TAX1BP1: variants seen among roughly 807,000 people sequenced by gnomAD.
The protein encoded by TAX1BP1 is Tax1 binding protein 1, also known as tax1-binding protein 1.
Under a neutral mutation model 97.7 loss-of-function variants are expected in TAX1BP1, and 62 were observed. The observed-to-expected ratio is 0.63, with a 90% CI of 0.52 to 0.78. TAX1BP1 has a LOEUF of 0.78. Ranked by LOEUF, TAX1BP1 falls within the 30% of genes least tolerant of loss-of-function variation. The pLI, the probability that TAX1BP1 is intolerant of heterozygous loss-of-function variation, is 0.00. For missense variants in TAX1BP1, 867 were observed against 916.1 expected (o/e 0.95, Z 0.69); for synonymous variants, 340 against 304.2 (o/e 1.12, Z -1.23).
chr7:27,804,555 A>T (rs897759017), intron 13 of TAX1BP1, among the ~76,000 whole-genome samples: 1 of 152,236 alleles, frequency 6.6e-6, no homozygotes, highest in Non-Finnish European at 1.5e-5. Flanking sequence ...CCCACTTTAG[A>T]TGCCAGTTAC....
chr7:27,780,291 A>G (rs557164271), intron 5 of TAX1BP1, among the ~76,000 whole-genome samples: 1 of 152,222 alleles, frequency 6.6e-6, no homozygotes, highest in East Asian at 1.9e-4. Context: ...TAAAATTTTC[A>G]GTTATTATTT....
intron 15 of TAX1BP1, among the ~76,000 whole-genome samples, chr7:27,818,348 TAGAA>T (rs1373346168): frequency 6.6e-6 from 1 of 152,152 alleles, no homozygotes; most frequent in Non-Finnish European, 1.5e-5. Context: ...TTTTTCACAT[TAGAA>T]AGTAATTCTT....
chr7:27,811,226 T>A (rs1213853316), intron 13 of TAX1BP1, among the ~76,000 whole-genome samples: 1 of 152,198 alleles, frequency 6.6e-6, no homozygotes, highest in East Asian at 1.9e-4. Flanking sequence ...AAATAATGAG[T>A]GGTTGAAAGG....
At chr7:27,774,377 G>C (rs560307798) in intron 5 of TAX1BP1, among the ~76,000 whole-genome samples, 1 of 151,970 alleles carries the variant, frequency 6.6e-6, no homozygotes, top group Admixed American at 6.6e-5. Context: ...TGGATAAGTC[G>C]TCTAGTTAAC....
In TAX1BP1 at chr7:27,798,811, A is replaced by T. The variant is rs148543297; in HGVS notation, c.1639-1154A>T. Among the ~76,000 whole-genome samples the T allele has an allele frequency of 1.3e-3, 189 of 150,824 alleles. 2 individuals carry two copies. Among genetic ancestry groups the T allele is most frequent in the African/African-American group, 4.3e-3 (178 of 41,134 alleles). On this transcript the variant is annotated intron_variant, in intron 12 of 16. Transcript: ENST00000396319. The stretch of plus-strand genomic sequence containing the variant: ...GACTTGATGTTGAGCATCTTTTCTT[A>T]TGCTTATTTGCTCTTTATCTCTTTG...
At chr7:27,744,263 C>CT (rs1391085120) in intron 1 of TAX1BP1, among the ~76,000 whole-genome samples, 6 of 152,134 alleles carry the variant, frequency 3.9e-5, no homozygotes, top group Non-Finnish European at 8.8e-5. Context: ...GTAGCTGGGA[C>CT]TACAGGCGCC....
rs869138210 is a variant in TAX1BP1 at position 27,800,256 on chromosome 7, CTT to C, written c.1764+168_1764+169del. On this transcript the variant is annotated intron_variant, in intron 13 of 16. Coordinates refer to ENST00000396319, the MANE Select transcript of TAX1BP1 (RefSeq NM_006024.7). The stretch of plus-strand genomic sequence containing the variant: ...TAGTTACATAAATACTGTTCATTAA[CTT>C]TGAATTGAGAAAATGGATACCATTT... Among the ~76,000 whole-genome samples the C allele has an allele frequency of 7.9e-5, 12 of 152,206 alleles. 1 individual carries two copies. The highest frequency in any genetic ancestry group is 2.9e-4 in the African/African-American group (12 of 41,520).
chr7:27,765,924 A>G lies in TAX1BP1; in HGVS notation c.356A>G (p.Gln119Arg). The part of the protein sequence containing the change: ...GEIRGASTPF[Q>R]FRASSPVEEL... ...ATTCGTGGAGCAAGTACACCTTTCC[A>G]GTTTCGAGCTTCTTCTCCAGTTGAA... The change falls in exon 4 of 17, where the codon CAG (glutamine) becomes CGG (arginine). Residue 119 changes from glutamine to arginine, a missense_variant. Physicochemically the swap from Gln to Arg is conservative, Grantham distance 43 (BLOSUM62 1). This residue lies in a region of TAX1BP1 where 822 missense variants were observed against 851.4 expected (regional missense o/e 0.97). Transcript: ENST00000396319. 6.2e-7 allele frequency: 1 copy of G among 1,614,152 alleles called. No individual in the cohort carries two copies. Among genetic ancestry groups the G allele is most frequent in the Non-Finnish European group, 8.5e-7 (1 of 1,180,014 alleles).
intron 2 of TAX1BP1, among the ~76,000 whole-genome samples, chr7:27,752,390 TTAC>T (rs1313043812): frequency 1.3e-5 from 2 of 152,130 alleles, no homozygotes; most frequent in African/African-American, 4.8e-5. Flanking sequence ...AACCAGAAGA[TTAC>T]TAAGCAGCAA....
rs149682927 is a variant in TAX1BP1 at position 27,800,843 on chromosome 7, G to A, written c.1764+753G>A. On this transcript the variant is annotated intron_variant, in intron 13 of 16. Transcript: ENST00000396319. The stretch of plus-strand genomic sequence containing the variant: ...GAGAAGGTCAGGCATGATGGCTCAC[G>A]CCGGTAATCCCAGCACTTTGGGAGG... 5.6e-3 allele frequency among the ~76,000 whole-genome samples: 845 copies of A among 152,140 alleles called. 9 individuals carry two copies. The highest frequency in any genetic ancestry group is 0.019 in the African/African-American group (788 of 41,536).
intron 15 of TAX1BP1, among the ~76,000 whole-genome samples, chr7:27,820,969 A>C (rs890293491): frequency 6.6e-6 from 1 of 152,220 alleles, no homozygotes; most frequent in Non-Finnish European, 1.5e-5. Flanking sequence ...TGAAAATCCA[A>C]AGTCCACAGT....
rs140419727 is a variant in TAX1BP1 at position 27,827,947 on chromosome 7, C to T, written c.2168+127C>T. On this transcript the variant is annotated intron_variant, in intron 16 of 16. Transcript: ENST00000396319. ...GCCTAGCTGAACCAGAAACACCAGG[C>T]GTAGGCCCAGCAATATGTGTTTTAA... The T allele has an allele frequency of 4.3e-4, 305 of 702,872 alleles. 4 individuals are homozygous for T. In the East Asian group the frequency reaches 6.6e-3, roughly 15 times the overall value. The allele number at this position is 702,872 out of a possible 1,614,324, so 43.5% of individuals were successfully genotyped here. A position where few individuals can be genotyped will look rare whatever the true frequency, so the allele number is the denominator to read the frequency against.
chr7:27,778,960 T>C (rs2128314424), intron 5 of TAX1BP1, among the ~76,000 whole-genome samples: 2 of 152,254 alleles, frequency 1.3e-5, no homozygotes, highest in East Asian at 3.9e-4. Flanking sequence ...TTTATCATCC[T>C]GCAAAGAAAC....
chr7:27,761,024 A>C (rs908102600), intron 3 of TAX1BP1, among the ~76,000 whole-genome samples: 3 of 152,210 alleles, frequency 2.0e-5, no homozygotes, highest in African/African-American at 7.2e-5. Context: ...AATTGTTAAC[A>C]TTATCTAATT....
At chr7:27,823,665 C>A (rs1196569388) in intron 15 of TAX1BP1, among the ~76,000 whole-genome samples, 1 of 152,076 alleles carries the variant, frequency 6.6e-6, no homozygotes, top group Non-Finnish European at 1.5e-5. Flanking sequence ...CCATCTTAGC[C>A]ATTTTTAAGC....
chr7:27,792,361 T>C, intron 9 of TAX1BP1, 131 bp downstream of exon 9: 4 of 867,142 alleles, frequency 4.6e-6, no homozygotes, highest in Non-Finnish European at 6.9e-6. Flanking sequence ...TTCATTCCTT[T>C]TGTTTAGTCA....
chr7:27,803,148 A>G, intron 13 of TAX1BP1: 1 of 1,548,368 alleles, frequency 6.5e-7, no homozygotes, highest in East Asian at 2.4e-5. Context: ...AAGTGGTCTG[A>G]TTTCACATTT....
chr7:27,768,873 G>A (rs1217416509), intron 4 of TAX1BP1, among the ~76,000 whole-genome samples: 1 of 151,802 alleles, frequency 6.6e-6, no homozygotes. Context: ...ACCAATTTGG[G>A]GTGTATGGAG....
At chr7:27,828,570 A>T in intron 16 of TAX1BP1, 58 bp from the exon 17 acceptor site, 1 of 1,539,522 alleles carries the variant, frequency 6.5e-7, no homozygotes, top group Non-Finnish European at 8.9e-7. Context: ...TCATATATGG[A>T]CAAGTTGTTG....
Sources: gnomAD v4.1 joint callset for allele counts (sites outside exome capture counted in the v4.1 genomes callset) on GRCh38, gnomAD v4.1.1 for gene constraint, gnomAD v4.1.1 regional missense constraint, MANE v1.5 for transcripts, NCBI Gene and HGNC (gene_info 2026-07-23, HGNC 2026-07-21) for gene names.